The following ZNRF2 variants were observed in gnomAD, a reference collection of about 807,000 sequenced individuals.
ZNRF2 encodes the protein E3 ubiquitin-protein ligase ZNRF2.
A neutral mutation model predicts 20.4 loss-of-function variants in ZNRF2; 16 were observed. That is an observed-to-expected ratio of 0.79 (90% CI 0.53 to 1.19). ZNRF2 has a LOEUF of 1.19. Among genes scored for constraint, ZNRF2 ranks in the 50% most tolerant of loss-of-function variants. ZNRF2 has a pLI of 0.00. For missense variants in ZNRF2, 363 were observed against 332.4 expected (o/e 1.09, Z -0.72); for synonymous variants, 178 against 144.9 (o/e 1.23, Z -1.64).
chr7:30,306,507 C>G (rs188783339), intron 1 of ZNRF2, among the ~76,000 whole-genome samples: 1 of 152,222 alleles, frequency 6.6e-6, no homozygotes. Flanking sequence ...CGTCACTGTT[C>G]ATTTGTTTAG....
rs147547635 is a variant in ZNRF2, at chr7:30,360,292, A to G, written c.672-2085A>G. On this transcript the variant is annotated intron_variant, in intron 3 of 4. Coordinates refer to ENST00000323037, the MANE Select transcript of ZNRF2 (RefSeq NM_147128.4). The stretch of plus-strand genomic sequence containing the variant: ...AGGAAATTAACTTGTATTTGGGCGC[A>G]AACTCCTTATCTCAAAGAATGTTCA... 4.7e-3 allele frequency among the ~76,000 whole-genome samples: 716 copies of G among 152,356 alleles called. 8 individuals are homozygous for G. Among genetic ancestry groups the G allele is most frequent in the African/African-American group, 0.016 (681 of 41,590 alleles).
chr7:30,347,744 C>G (rs1364210160), intron 2 of ZNRF2, among the ~76,000 whole-genome samples: 1 of 151,944 alleles, frequency 6.6e-6, no homozygotes, highest in Non-Finnish European at 1.5e-5. Flanking sequence ...AATAACTTCA[C>G]ACTTGCTGTT....
At chr7:30,321,326 T>C (rs1223666489) in intron 1 of ZNRF2, among the ~76,000 whole-genome samples, 1 of 152,126 alleles carries the variant, frequency 6.6e-6, no homozygotes, top group Non-Finnish European at 1.5e-5. Context: ...TTGGGAATTA[T>C]TTAGTGAGAA....
intron 2 of ZNRF2, among the ~76,000 whole-genome samples, chr7:30,345,669 T>C (rs1288885919): frequency 6.6e-6 from 1 of 152,284 alleles, no homozygotes; most frequent in Middle Eastern, 3.4e-3. Context: ...TACCTTACTT[T>C]AGTGTATATC....
chr7:30,323,514 A>T (rs1336730537), intron 1 of ZNRF2, 128 bp from the exon 2 acceptor site: 1 of 542,176 alleles, frequency 1.8e-6, no homozygotes, highest in Admixed American at 3.7e-5. Flanking sequence ...CTTGAGTTGC[A>T]CATAAACAGT....
At chr7:30,315,842 A>G (rs1347022747) in intron 1 of ZNRF2, among the ~76,000 whole-genome samples, 2 of 151,592 alleles carry the variant, frequency 1.3e-5, no homozygotes, top group African/African-American at 2.4e-5. Flanking sequence ...ACTGCTTTGG[A>G]TAGCTTTTCA....
chr7:30,364,567 T>C (rs922897509), intron 4 of ZNRF2, among the ~76,000 whole-genome samples: 2 of 152,206 alleles, frequency 1.3e-5, no homozygotes, highest in Admixed American at 6.5e-5. Flanking sequence ...TGAATATATG[T>C]GCACATATGT....
intron 2 of ZNRF2, among the ~76,000 whole-genome samples, chr7:30,346,237 A>G (rs80104685): frequency 0.021 from 2,361 of 113,282 alleles, 75 homozygotes; most frequent in African/African-American, 0.075. Flanking sequence ...CTTGTTGCCC[A>G]GGCTGCAATG....
At position 30,285,824 on chromosome 7, in the gene ZNRF2, G is replaced by C; in HGVS notation, c.467G>C (p.Gly156Ala). Residue 156 changes from glycine (G) to alanine (A), a missense_variant and splice_region_variant, in exon 1 of 5, where the codon GGA (glycine) becomes GCA (alanine). Physicochemically the swap from Gly to Ala is moderately conservative, Grantham distance 60. This residue lies in a region of ZNRF2 where 302 missense variants were observed against 231.5 expected (regional missense o/e 1.30). Transcript: ENST00000323037. Reference sequence around the variant, plus strand: ...GCTCACCTCTCGCCGCACATGTTTGGAGGTACGGACCCCTCTCCGCGCACC... The same window carrying C: ...GCTCACCTCTCGCCGCACATGTTTGCAGGTACGGACCCCTCTCCGCGCACC... ...LPAHLSPHMF[G>A]GFKCPVCSKF... 6.6e-7 allele frequency: 1 copy of C among 1,515,958 alleles called. No homozygotes were observed. Among genetic ancestry groups the C allele is most frequent in the Non-Finnish European group, 8.8e-7 (1 of 1,140,656 alleles). The allele number at this position is 1,515,958 out of a possible 1,614,324, so 93.9% of individuals were successfully genotyped here.
intron 1 of ZNRF2, chr7:30,289,907 G>A (rs1270307445): frequency 1.9e-6 from 1 of 534,176 alleles, no homozygotes; most frequent in South Asian, 1.4e-5. Context: ...CCTCCAATTT[G>A]ATCGCTTTGC....
At chr7:30,305,249 C>T (rs1799181811) in intron 1 of ZNRF2, among the ~76,000 whole-genome samples, 1 of 152,140 alleles carries the variant, frequency 6.6e-6, no homozygotes, top group Non-Finnish European at 1.5e-5. Flanking sequence ...CCGAATACCA[C>T]TGGGTATAAA....
At chr7:30,355,981 T>G in intron 3 of ZNRF2, 148 bp downstream of exon 3, 1 of 569,594 alleles carries the variant, frequency 1.8e-6, no homozygotes, top group East Asian at 3.0e-5. Context: ...TTTCTCTATT[T>G]GAACTAAGAC....
chr7:30,312,505 GA>G (rs957016603), intron 1 of ZNRF2, among the ~76,000 whole-genome samples: 1 of 152,030 alleles, frequency 6.6e-6, no homozygotes, highest in Non-Finnish European at 1.5e-5. Flanking sequence ...TGTGAAGACA[GA>G]AAAAAACCAC....
In ZNRF2 at chr7:30,285,763, C is replaced by G. The variant is rs750567165; in HGVS notation, c.406C>G (p.Pro136Ala). Residue 136 changes from proline (P) to alanine (A), a missense_variant, in exon 1 of 5, where the codon CCC becomes GCC. Coordinates refer to ENST00000323037, the MANE Select transcript of ZNRF2 (RefSeq NM_147128.4). ...GGRDRPVGGS[P>A]GGPRLVIGSL... Reference sequence around the variant, plus strand: ...CCGGGACCGGCCGGTGGGCGGGAGCCCCGGCGGGCCGCGCCTGGTGATCGG... The same window carrying G: ...CCGGGACCGGCCGGTGGGCGGGAGCGCCGGCGGGCCGCGCCTGGTGATCGG... 8.1e-6 allele frequency: 12 copies of G among 1,485,950 alleles called. No individual in the cohort carries two copies. Among genetic ancestry groups the G allele is most frequent in the Non-Finnish European group, 8.0e-6 (9 of 1,124,726 alleles). The allele number at this position is 1,485,950 out of a possible 1,614,324, so 92.0% of individuals were successfully genotyped here. A position where few individuals can be genotyped will look rare whatever the true frequency, so the allele number is the denominator to read the frequency against.
intron 1 of ZNRF2, among the ~76,000 whole-genome samples, chr7:30,310,425 A>G (rs1353925131): frequency 6.6e-6 from 1 of 152,190 alleles, no homozygotes; most frequent in African/African-American, 2.4e-5. Flanking sequence ...AAAGGGCCAG[A>G]TAGTAAATAT....
chr7:30,319,180 C>G (rs1205057234), intron 1 of ZNRF2, among the ~76,000 whole-genome samples: 2 of 151,910 alleles, frequency 1.3e-5, no homozygotes, highest in Non-Finnish European at 2.9e-5. Context: ...TACCCTGTTG[C>G]CCGGGCTGTA....
In ZNRF2 at chr7:30,284,804, C is replaced by G. The variant is rs1583558012; in HGVS notation, c.-554C>G. 1 of 189,768 alleles carries G rather than the reference C, an allele frequency of 5.3e-6. No individual in the cohort carries two copies. The highest frequency in any genetic ancestry group is 2.4e-5 in the African/African-American group (1 of 41,574). The allele number at this position is 189,768 out of a possible 1,614,324, so 11.8% of individuals were successfully genotyped here. A position where few individuals can be genotyped will look rare whatever the true frequency, so the allele number is the denominator to read the frequency against. Reference sequence around the variant, plus strand: ...CCTCCCATTTTTCGTTCTCCCCTCGCGCGCCACCCGTTTTTCCTCTTTCTC... The same window carrying G: ...CCTCCCATTTTTCGTTCTCCCCTCGGGCGCCACCCGTTTTTCCTCTTTCTC... On this transcript the variant is annotated 5_prime_UTR_variant, in exon 1 of 5. Transcript: ENST00000323037.
intron 2 of ZNRF2, among the ~76,000 whole-genome samples, chr7:30,332,497 G>A (rs1004076279): frequency 1.3e-5 from 2 of 152,100 alleles, no homozygotes; most frequent in African/African-American, 4.8e-5. Context: ...TACCTAATAG[G>A]TAGTTTTTCA....
chr7:30,320,130 C>T (rs1182740261), intron 1 of ZNRF2, among the ~76,000 whole-genome samples: 1 of 152,050 alleles, frequency 6.6e-6, no homozygotes, highest in Admixed American at 6.6e-5. Context: ...TAATACACTT[C>T]TTGAGTCCCA....
Sources: gnomAD v4.1 joint callset for allele counts (sites outside exome capture counted in the v4.1 genomes callset) on GRCh38, gnomAD v4.1.1 for gene constraint, gnomAD v4.1.1 regional missense constraint, MANE v1.5 for transcripts, NCBI Gene and HGNC (gene_info 2026-07-23, HGNC 2026-07-21) for gene names.